Variants in SNTG1 observed in about 807,000 individuals in gnomAD.
The protein encoded by SNTG1 is syntrophin gamma 1, also known as gamma-1-syntrophin.
In SNTG1, 39 loss-of-function variants were observed where a neutral mutation model predicts 74.7. The observed-to-expected ratio is 0.52, with a 90% CI of 0.40 to 0.68. SNTG1 has a LOEUF of 0.68. Among genes scored for constraint, SNTG1 ranks in the 30% least tolerant of loss-of-function variants. The pLI is 0.00. For missense variants in SNTG1, 685 were observed against 609.5 expected (o/e 1.12, Z -1.30); for synonymous variants, 254 against 217.1 (o/e 1.17, Z -1.49).
At chr8:50,264,854 A>C (rs572589701) in intron 2 of SNTG1, among the ~76,000 whole-genome samples, 139 of 152,088 alleles carry the variant, frequency 9.1e-4, no homozygotes, top group African/African-American at 3.3e-3. Context: ...ACTATAAAAA[A>C]CTCTATGTCA....
At chr8:50,427,817 G>A (rs2093182905) in intron 4 of SNTG1, among the ~76,000 whole-genome samples, 1 of 152,154 alleles carries the variant, frequency 6.6e-6, no homozygotes, top group African/African-American at 2.4e-5. Context: ...GCACTGTTGG[G>A]ACTATATGTT....
At chr8:50,262,355 A>G (rs1410424153) in intron 2 of SNTG1, among the ~76,000 whole-genome samples, 1 of 152,206 alleles carries the variant, frequency 6.6e-6, no homozygotes, top group Non-Finnish European at 1.5e-5. Flanking sequence ...AACAAAAATC[A>G]ATACAATTAT....
chr8:50,712,735 A>G (rs2131564245), intron 17 of SNTG1, among the ~76,000 whole-genome samples: 1 of 151,550 alleles, frequency 6.6e-6, no homozygotes, highest in South Asian at 2.1e-4. Flanking sequence ...ACTCCCACTT[A>G]TGAGCAAGAA....
At chr8:50,597,577 A>G (rs945833008) in intron 13 of SNTG1, among the ~76,000 whole-genome samples, 2 of 151,750 alleles carry the variant, frequency 1.3e-5, no homozygotes, top group Non-Finnish European at 2.9e-5. Context: ...ATACTCAGTA[A>G]TGGATTGCTG....
intron 13 of SNTG1, among the ~76,000 whole-genome samples, chr8:50,639,850 T>C (rs2095061451): frequency 6.6e-6 from 1 of 152,124 alleles, no homozygotes; most frequent in Non-Finnish European, 1.5e-5. Flanking sequence ...TAAGTAATTA[T>C]CAACAAAAAT....
intron 2 of SNTG1, among the ~76,000 whole-genome samples, chr8:50,273,838 A>C (rs1462131037): frequency 2.0e-5 from 3 of 152,154 alleles, no homozygotes; most frequent in Admixed American, 2.0e-4. Context: ...GAGTGATGAG[A>C]GAAAAGTCAG....
chr8:50,611,228 A>G (rs752581897), intron 13 of SNTG1, among the ~76,000 whole-genome samples: 6 of 152,162 alleles, frequency 3.9e-5, no homozygotes, highest in African/African-American at 7.2e-5. Context: ...CTGCAGGGAC[A>G]GAGTTAGAAA....
At chr8:50,199,318 A>G (rs1041323793) in intron 2 of SNTG1, among the ~76,000 whole-genome samples, 7 of 151,592 alleles carry the variant, frequency 4.6e-5, no homozygotes, top group African/African-American at 1.2e-4. Flanking sequence ...CCCCAGTTCA[A>G]GTGATTCTCC....
intron 8 of SNTG1, among the ~76,000 whole-genome samples, chr8:50,477,469 A>C (rs778780381): frequency 6.6e-6 from 1 of 152,190 alleles, no homozygotes; most frequent in Non-Finnish European, 1.5e-5. Context: ...TGACCAATAC[A>C]TCTCAAACAG....
At chr8:50,481,392 C>G (rs748628868) in intron 8 of SNTG1, among the ~76,000 whole-genome samples, 5 of 152,070 alleles carry the variant, frequency 3.3e-5, no homozygotes, top group African/African-American at 4.8e-5. Context: ...AAAACAACAA[C>G]AACAACAACA....
chr8:49,916,610 A>G (rs2129338274), intron 1 of SNTG1, among the ~76,000 whole-genome samples: 1 of 152,324 alleles, frequency 6.6e-6, no homozygotes, highest in East Asian at 1.9e-4. Context: ...GTTTTTTAAA[A>G]GAATAAGTGC....
At chr8:50,453,108 A>C (rs1440410153) in intron 8 of SNTG1, among the ~76,000 whole-genome samples, 5 of 152,208 alleles carry the variant, frequency 3.3e-5, no homozygotes, top group African/African-American at 4.8e-5. Flanking sequence ...GAAATTCTGC[A>C]TTCAGTCTAT....
chr8:50,777,693 T>A (rs189833198), intron 18 of SNTG1, among the ~76,000 whole-genome samples: 9 of 151,810 alleles, frequency 5.9e-5, no homozygotes, highest in Non-Finnish European at 8.8e-5. Flanking sequence ...CTCTTTTTTT[T>A]AATTTTTTAA....
At chr8:50,752,427 A>G (rs1050690751) in intron 18 of SNTG1, among the ~76,000 whole-genome samples, 9 of 152,004 alleles carry the variant, frequency 5.9e-5, no homozygotes, top group Admixed American at 4.6e-4. Context: ...ATTCTAAATA[A>G]TAATTTAAAA....
chr8:50,188,535 G>T (rs1430863154), intron 2 of SNTG1, among the ~76,000 whole-genome samples: 3 of 152,112 alleles, frequency 2.0e-5, no homozygotes, highest in Non-Finnish European at 4.4e-5. Flanking sequence ...GTACTCTCAT[G>T]TGGGTTCAGG....
intron 1 of SNTG1, among the ~76,000 whole-genome samples, chr8:50,042,056 T>C (rs959378925): frequency 2.6e-5 from 4 of 152,222 alleles, no homozygotes; most frequent in Non-Finnish European, 5.9e-5. Context: ...ATTATAAAGC[T>C]AAAAAACTGT....
intron 1 of SNTG1, among the ~76,000 whole-genome samples, chr8:49,917,091 T>C (rs1230666520): frequency 6.6e-6 from 1 of 152,056 alleles, no homozygotes; most frequent in African/African-American, 2.4e-5. Flanking sequence ...TATGTGAGAT[T>C]AAGAAATTTA....
intron 10 of SNTG1, among the ~76,000 whole-genome samples, chr8:50,535,710 T>A (rs1447572523): frequency 6.6e-6 from 1 of 152,230 alleles, no homozygotes; most frequent in Non-Finnish European, 1.5e-5. Context: ...GTAATATTGT[T>A]TTTCACTGGA....
intron 1 of SNTG1, among the ~76,000 whole-genome samples, chr8:50,134,326 T>G (rs1200103301): frequency 1.3e-5 from 2 of 152,176 alleles, no homozygotes; most frequent in Non-Finnish European, 2.9e-5. Context: ...GAATGAAAGC[T>G]GGAGATCGCC....
Sources: gnomAD v4.1 joint callset for allele counts (sites outside exome capture counted in the v4.1 genomes callset) on GRCh38, gnomAD v4.1.1 for gene constraint, MANE v1.5 for transcripts, NCBI Gene and HGNC (gene_info 2026-07-23, HGNC 2026-07-21) for gene names.